KHDRBS3: variants seen among roughly 807,000 people sequenced by gnomAD.
KHDRBS3 encodes KH domain-containing, RNA-binding, signal transduction-associated protein 3.
Under a neutral mutation model 45.6 loss-of-function variants are expected in KHDRBS3, and 23 were observed. The observed-to-expected ratio is 0.50, with a 90% CI of 0.36 to 0.72. The LOEUF is 0.72. KHDRBS3 is among the 30% of genes least tolerant of loss of function. KHDRBS3 has a pLI of 0.00. For missense variants in KHDRBS3, 352 were observed against 424.8 expected (o/e 0.83, Z 1.51); for synonymous variants, 162 against 156.5 (o/e 1.04, Z -0.26).
At chr8:135,623,697 TCTAAAAGG>T (rs1396706660) in intron 7 of KHDRBS3, among the ~76,000 whole-genome samples, 1 of 151,922 alleles carries the variant, frequency 6.6e-6, no homozygotes, top group East Asian at 1.9e-4. Context: ...GCAACAAAAG[TCTAAAAGG>T]CCGCAAAAGA....
intron 1 of KHDRBS3, among the ~76,000 whole-genome samples, chr8:135,488,967 T>G (rs1823003309): frequency 6.6e-6 from 1 of 152,234 alleles, no homozygotes; most frequent in African/African-American, 2.4e-5. Flanking sequence ...GCAATGTTGG[T>G]TACTTTTTTA....
At chr8:135,512,897 G>A (rs1327159374) in intron 1 of KHDRBS3, among the ~76,000 whole-genome samples, 1 of 152,160 alleles carries the variant, frequency 6.6e-6, no homozygotes, top group African/African-American at 2.4e-5. Context: ...TCTGTGGGGT[G>A]AAGGGGAAGT....
At chr8:135,632,637 C>A (rs1478524670) in intron 7 of KHDRBS3, among the ~76,000 whole-genome samples, 1 of 152,084 alleles carries the variant, frequency 6.6e-6, no homozygotes, top group East Asian at 1.9e-4. Context: ...ATCCTCTTCC[C>A]TTTCTCTATA....
chr8:135,542,803 G>A (rs768935775), intron 3 of KHDRBS3, 33 bp downstream of exon 3: 1 of 1,365,592 alleles, frequency 7.3e-7, no homozygotes, highest in South Asian at 1.2e-5. Context: ...GCTAAGTTGT[G>A]TATCATGTTA....
intron 7 of KHDRBS3, among the ~76,000 whole-genome samples, chr8:135,626,807 A>AAAAAG (rs1394337798): frequency 6.5e-5 from 7 of 107,676 alleles, no homozygotes; most frequent in African/African-American, 3.0e-4. Flanking sequence ...CCGTCTCAAA[A>AAAAAG]AAAAAAAAAA....
intron 7 of KHDRBS3, among the ~76,000 whole-genome samples, chr8:135,634,044 C>T (rs1830711148): frequency 6.6e-6 from 1 of 152,196 alleles, no homozygotes; most frequent in Non-Finnish European, 1.5e-5. Context: ...TCCTCCCTCC[C>T]CTCAACCCCT....
chr8:135,625,216 C>A, intron 7 of KHDRBS3: 1 of 1,405,344 alleles, frequency 7.1e-7, no homozygotes, highest in Non-Finnish European at 1.0e-6. Flanking sequence ...CTGTGGGCCT[C>A]CTTCATCAGA....
At chr8:135,618,709 A>G (rs1446331913) in intron 7 of KHDRBS3, among the ~76,000 whole-genome samples, 2 of 152,210 alleles carry the variant, frequency 1.3e-5, no homozygotes, top group Non-Finnish European at 2.9e-5. Context: ...ATTAAACAAG[A>G]TAGAGTGAAA....
At chr8:135,560,477 C>G (rs1282675265) in intron 5 of KHDRBS3, among the ~76,000 whole-genome samples, 1 of 152,052 alleles carries the variant, frequency 6.6e-6, no homozygotes, top group East Asian at 1.9e-4. Context: ...TGTGGAGAAT[C>G]GAGCACATCC....
chr8:135,473,751 AATGGTCAC>A (rs1458828320), intron 1 of KHDRBS3, among the ~76,000 whole-genome samples: 1 of 152,056 alleles, frequency 6.6e-6, no homozygotes, highest in Non-Finnish European at 1.5e-5. Context: ...TTCTTATTGA[AATGGTCAC>A]ATGATAAAAA....
At chr8:135,543,101 T>G (rs1426193734) in intron 3 of KHDRBS3, among the ~76,000 whole-genome samples, 1 of 152,162 alleles carries the variant, frequency 6.6e-6, no homozygotes, top group Non-Finnish European at 1.5e-5. Context: ...CATTTTAGAT[T>G]AGTGTTTTTG....
intron 1 of KHDRBS3, among the ~76,000 whole-genome samples, chr8:135,511,464 C>T (rs1054006545): frequency 3.9e-5 from 6 of 151,934 alleles, no homozygotes; most frequent in African/African-American, 1.5e-4. Context: ...GTCATTTTCT[C>T]GTGTGTATGT....
intron 7 of KHDRBS3, among the ~76,000 whole-genome samples, chr8:135,622,073 T>C (rs570920933): frequency 3.3e-5 from 5 of 152,302 alleles, no homozygotes; most frequent in African/African-American, 1.2e-4. Context: ...ATTTTCCGTA[T>C]AATTACATGC....
chr8:135,581,169 G>T (rs1828187946), intron 5 of KHDRBS3, among the ~76,000 whole-genome samples: 1 of 152,214 alleles, frequency 6.6e-6, no homozygotes, highest in Non-Finnish European at 1.5e-5. Flanking sequence ...TCATCATGCT[G>T]TGTCTGTATT....
intron 4 of KHDRBS3, among the ~76,000 whole-genome samples, chr8:135,551,886 T>G (rs1826621225): frequency 1.3e-5 from 2 of 152,176 alleles, no homozygotes; most frequent in South Asian, 4.1e-4. Flanking sequence ...TGGGAATGTC[T>G]TTATTTTACC....
chr8:135,581,059 G>A (rs566970433), intron 5 of KHDRBS3, among the ~76,000 whole-genome samples: 5 of 152,238 alleles, frequency 3.3e-5, no homozygotes, highest in South Asian at 2.1e-4. Flanking sequence ...CTTTAGCTGC[G>A]TATTTGCTAT....
At chr8:135,515,291 G>A (rs1336523961) in intron 1 of KHDRBS3, among the ~76,000 whole-genome samples, 2 of 146,992 alleles carry the variant, frequency 1.4e-5, no homozygotes, top group Non-Finnish European at 3.0e-5. Context: ...ACGTGAACCC[G>A]GGAGGCGGAG....
chr8:135,588,453 G>A (rs769292919), intron 6 of KHDRBS3, among the ~76,000 whole-genome samples: 4 of 152,002 alleles, frequency 2.6e-5, no homozygotes, highest in Admixed American at 6.6e-5. Flanking sequence ...CTACATAGAC[G>A]TACTTGATTA....
downstream of KHDRBS3, among the ~76,000 whole-genome samples, chr8:135,650,186 T>C (rs1254465354): frequency 6.6e-6 from 1 of 152,178 alleles, no homozygotes; most frequent in African/African-American, 2.4e-5. Context: ...TGATAAGACA[T>C]GGAACCCGGT....
Sources: allele counts gnomAD v4.1 joint callset (sites outside exome capture counted in the v4.1 genomes callset), GRCh38; gene constraint gnomAD v4.1.1; transcripts MANE v1.5; gene names NCBI Gene and HGNC (gene_info 2026-07-23, HGNC 2026-07-21).